TCF7L2: variants seen among roughly 807,000 people sequenced by gnomAD.
The protein encoded by TCF7L2 is transcription factor 7 like 2, also known as transcription factor 7-like 2.
A neutral mutation model predicts 77.9 loss-of-function variants in TCF7L2; 23 were observed. The observed-to-expected ratio is 0.30, with a 90% CI of 0.21 to 0.42. TCF7L2 has a LOEUF of 0.42. TCF7L2 is among the 10% of genes least tolerant of loss of function. The pLI, the probability that TCF7L2 is intolerant of heterozygous loss-of-function variation, is 1.00. For missense variants in TCF7L2, 654 were observed against 793.1 expected, an observed-to-expected ratio of 0.82 and a Z score of 2.11; for synonymous variants, 413 against 340.2, an observed-to-expected ratio of 1.21 and a Z score of -2.36.
intron 5 of TCF7L2, among the ~76,000 whole-genome samples, chr10:113,115,210 T>G (rs1278529209): frequency 6.6e-6 from 1 of 152,238 alleles, no homozygotes; most frequent in Admixed American, 6.5e-5. Context: ...CCTTTTAATA[T>G]TCATTTAAAT....
At chr10:113,084,576 G>A (rs2059633374) in intron 5 of TCF7L2, among the ~76,000 whole-genome samples, 1 of 151,924 alleles carries the variant, frequency 6.6e-6, no homozygotes, top group South Asian at 2.1e-4. Context: ...CCAAATATCC[G>A]GGCACCTTGT....
intron 4 of TCF7L2, among the ~76,000 whole-genome samples, chr10:113,008,009 A>G (rs1369586604): frequency 1.3e-5 from 2 of 152,206 alleles, no homozygotes; most frequent in Non-Finnish European, 2.9e-5. Flanking sequence ...CAGACATAGC[A>G]GCGATGAGAG....
chr10:113,165,642 T>TC lies in TCF7L2; in HGVS notation c.1485dup (p.Ser496LeufsTer17), dbSNP rs748822481. ...CAGATGGAAGCTTACTAGATTCGCC[T>TC]CCCCCCTCCCCGAACCTGCTAGGCT... is the stretch of plus-strand genomic sequence containing the variant. On this transcript the variant is annotated frameshift_variant, in exon 14 of 14. Transcript: ENST00000627217. LOFTEE classifies it high-confidence loss of function. The TC allele has an allele frequency of 6.8e-6, 11 of 1,609,632 alleles. No homozygotes were observed. The highest frequency in any genetic ancestry group is 9.3e-6 in the Non-Finnish European group (11 of 1,178,080).
chr10:113,123,227 C>T (rs756791492), intron 5 of TCF7L2, among the ~76,000 whole-genome samples: 4 of 152,082 alleles, frequency 2.6e-5, no homozygotes, highest in Non-Finnish European at 4.4e-5. Context: ...CTGGGGAAGC[C>T]GAGAGAGAGG....
chr10:113,009,404 G>A (rs1324924108), intron 4 of TCF7L2, among the ~76,000 whole-genome samples: 1 of 152,184 alleles, frequency 6.6e-6, no homozygotes, highest in Non-Finnish European at 1.5e-5. Flanking sequence ...GTCCTCTGTG[G>A]TTCTAGGTTT....
chr10:112,990,954 T>A (rs2042428410), intron 4 of TCF7L2, among the ~76,000 whole-genome samples: 1 of 152,114 alleles, frequency 6.6e-6, no homozygotes, highest in Non-Finnish European at 1.5e-5. Context: ...GGTGTTGAAA[T>A]CCCTATTTTT....
At chr10:113,129,546 G>A in intron 5 of TCF7L2, 1 of 1,013,454 alleles carries the variant, frequency 9.9e-7, no homozygotes, top group Non-Finnish European at 1.2e-6. Context: ...ATTATTAGTG[G>A]ACTTTTTTGT....
intron 4 of TCF7L2, among the ~76,000 whole-genome samples, chr10:113,024,621 T>C (rs1045915593): frequency 1.9e-4 from 27 of 142,626 alleles, no homozygotes; most frequent in African/African-American, 7.0e-4. Flanking sequence ...AAACCCTTTT[T>C]TTTTTTTTTT....
chr10:113,067,115 G>T (rs1362299730), intron 5 of TCF7L2, among the ~76,000 whole-genome samples: 1 of 152,194 alleles, frequency 6.6e-6, no homozygotes, highest in Non-Finnish European at 1.5e-5. Context: ...ATGCATTTCT[G>T]CTGTGAGTGG....
At position 113,141,178 on chromosome 10, in the gene TCF7L2, C is replaced by G. The variant is rs1433486823; in HGVS notation, c.553-6C>G. On this transcript the variant is annotated splice_polypyrimidine_tract_variant and splice_region_variant and intron_variant, in intron 5 of 13. Coordinates refer to ENST00000627217, the MANE Select transcript of TCF7L2 (RefSeq NM_001146274.2). ...ACGGTGTCTTTCTCTGTTCTCCTCC[C>G]CACAGTCTAACAAAGTGCCAGTGGT... 10 of 1,613,922 alleles carry G rather than the reference C, an allele frequency of 6.2e-6. No homozygotes were observed. The highest frequency in any genetic ancestry group is 8.5e-6 in the Non-Finnish European group (10 of 1,179,886).
At chr10:113,051,203 C>CCACA (rs55771704) in intron 5 of TCF7L2, among the ~76,000 whole-genome samples, 17,962 of 140,280 alleles carry the variant, frequency 0.13, 1,135 homozygotes, top group Non-Finnish European at 0.14. Context: ...TGCATACACA[C>CCACA]CACACACACA....
chr10:113,079,038 T>G (rs561534375), intron 5 of TCF7L2, among the ~76,000 whole-genome samples: 8 of 152,100 alleles, frequency 5.3e-5, no homozygotes, highest in Middle Eastern at 3.4e-3. Context: ...TTCACCATGT[T>G]GGCCAGGCTG....
chr10:113,143,257 A>C (rs954125002), intron 6 of TCF7L2, among the ~76,000 whole-genome samples: 6 of 152,236 alleles, frequency 3.9e-5, no homozygotes, highest in Admixed American at 3.9e-4. Flanking sequence ...GGTGGGCTTA[A>C]TCCCCACAGA....
chr10:113,154,102 A>G (rs1490640883), intron 11 of TCF7L2, among the ~76,000 whole-genome samples: 2 of 152,184 alleles, frequency 1.3e-5, no homozygotes, highest in African/African-American at 2.4e-5. Flanking sequence ...CGGGGTCTCC[A>G]CTGCTTGGGA....
intron 3 of TCF7L2, among the ~76,000 whole-genome samples, chr10:112,956,344 C>CTTTTTTTTTTTTTTTTTTTT (rs10711698): frequency 8.9e-6 from 1 of 112,250 alleles, no homozygotes. Flanking sequence ...AGTGATTTAC[C>CTTTTTTTTTTTTTTTTTTTT]TTTTTTTTTT....
chr10:113,160,572 C>T (rs746855599), intron 12 of TCF7L2: 41 of 1,532,922 alleles, frequency 2.7e-5, no homozygotes, highest in East Asian at 2.2e-4. Context: ...CAACTGAGCA[C>T]GACCCACCAT....
At chr10:113,102,444 A>T (rs1281653783) in intron 5 of TCF7L2, among the ~76,000 whole-genome samples, 4 of 142,784 alleles carry the variant, frequency 2.8e-5, no homozygotes, top group Non-Finnish European at 3.0e-5. Context: ...TTTTTTTTTG[A>T]GACAGAGTCT....
At chr10:113,004,242 G>C in intron 4 of TCF7L2, among the ~76,000 whole-genome samples, 1 of 152,136 alleles carries the variant, frequency 6.6e-6, no homozygotes, top group Non-Finnish European at 1.5e-5. Flanking sequence ...TGGAGAGAAA[G>C]CCCAAAGAGT....
rs1479706191 is a variant in TCF7L2 at position 113,109,082 on chromosome 10, T to G, written c.553-32102T>G. ...ACACAAACACACGCGCGTGCACACATGGGCCACATAACGTAATGTGTTGAT... is the reference window on the plus strand; with the variant it reads ...ACACAAACACACGCGCGTGCACACAGGGGCCACATAACGTAATGTGTTGAT... On this transcript the variant is annotated intron_variant, in intron 5 of 13. Coordinates refer to ENST00000627217, the MANE Select transcript of TCF7L2 (RefSeq NM_001146274.2). 2.6e-5 allele frequency among the ~76,000 whole-genome samples: 4 copies of G among 152,136 alleles called. No individual in the cohort carries two copies. In the South Asian group the frequency reaches 8.3e-4, roughly 32 times the overall value.
Sources: allele counts gnomAD v4.1 joint callset (sites outside exome capture counted in the v4.1 genomes callset), GRCh38; gene constraint gnomAD v4.1.1; transcripts MANE v1.5; gene names NCBI Gene and HGNC (gene_info 2026-07-23, HGNC 2026-07-21).